The following IFI16 variants were observed in gnomAD, a reference collection of about 807,000 sequenced individuals.
IFI16 encodes interferon gamma inducible protein 16.
A neutral mutation model predicts 68.4 loss-of-function variants in IFI16; 49 were observed. The observed-to-expected ratio is 0.72, with a 90% CI of 0.57 to 0.91. The LOEUF is 0.91. IFI16 is among the 40% of genes least tolerant of loss of function. IFI16 has a pLI of 0.00. For synonymous variants in IFI16, 307 were observed against 315.0 expected (o/e 0.97, Z 0.27); for missense variants, 878 against 942.9 (o/e 0.93, Z 0.90).
At chr1:159,012,708 C>T (rs1478458824) in intron 1 of IFI16, among the ~76,000 whole-genome samples, 2 of 152,116 alleles carry the variant, frequency 1.3e-5, no homozygotes, top group East Asian at 3.9e-4. Flanking sequence ...GCTTTAAATT[C>T]TATAGGGGTA....
chr1:159,020,647 A>G, intron 6 of IFI16, 118 bp downstream of exon 6: 1 of 611,854 alleles, frequency 1.6e-6, no homozygotes, highest in Non-Finnish European at 2.8e-6. Flanking sequence ...ATGAGAAAAC[A>G]GATATTCTCC....
chr1:159,029,892 G>A (rs185181663), intron 6 of IFI16, among the ~76,000 whole-genome samples: 143 of 152,140 alleles, frequency 9.4e-4, no homozygotes, highest in Non-Finnish European at 1.7e-3. Flanking sequence ...ATGTTGGCCA[G>A]GCTGGTCTCA....
At chr1:159,000,827 C>G (rs1284376898) in intron 1 of IFI16, among the ~76,000 whole-genome samples, 1 of 152,114 alleles carries the variant, frequency 6.6e-6, no homozygotes, top group Non-Finnish European at 1.5e-5. Flanking sequence ...GTGGATCCCT[C>G]ATGAATGGCT....
At chr1:159,053,785 G>A in intron 11 of IFI16, 61 bp downstream of exon 11, 1 of 1,310,496 alleles carries the variant, frequency 7.6e-7, no homozygotes. Flanking sequence ...TATACTTTAA[G>A]AAGACTAGAC....
intron 7 of IFI16, among the ~76,000 whole-genome samples, chr1:159,042,322 C>T (rs1654700455): frequency 8.8e-4 from 2 of 2,272 alleles, no homozygotes; most frequent in South Asian, 0.12. Flanking sequence ...TTAAAATAAA[C>T]AACAAAATGA....
chr1:159,046,984 C>A (rs964186855), intron 8 of IFI16, among the ~76,000 whole-genome samples: 1 of 139,464 alleles, frequency 7.2e-6, no homozygotes, highest in African/African-American at 2.8e-5. Context: ...CAACCCTTAT[C>A]CCAGCTTGCC....
intron 1 of IFI16, among the ~76,000 whole-genome samples, chr1:159,014,268 C>G (rs1302291773): frequency 6.6e-6 from 1 of 152,156 alleles, no homozygotes; most frequent in Non-Finnish European, 1.5e-5. Context: ...CTAGGCCGCT[C>G]CAGTCATACT....
intron 5 of IFI16, 24 bp from the exon 6 acceptor site, chr1:159,020,317 C>T (rs1653227210): frequency 6.5e-7 from 1 of 1,545,304 alleles, no homozygotes. Context: ...TTCTCAGGAA[C>T]AGAATATTAA....
At chr1:159,033,081 A>G (rs1654108710) in intron 7 of IFI16, among the ~76,000 whole-genome samples, 1 of 152,018 alleles carries the variant, frequency 6.6e-6, no homozygotes, top group Admixed American at 6.6e-5. Flanking sequence ...TCATAGTTCC[A>G]AGTTCCTACC....
upstream of IFI16, among the ~76,000 whole-genome samples, chr1:159,001,587 CT>C (rs1393345304): frequency 2.0e-5 from 3 of 152,266 alleles, no homozygotes; most frequent in Non-Finnish European, 4.4e-5. Context: ...ATGAACGCCC[CT>C]GTCTTACCAG....
intron 5 of IFI16, among the ~76,000 whole-genome samples, chr1:159,019,025 T>C (rs1291600258): frequency 6.6e-6 from 1 of 152,200 alleles, no homozygotes; most frequent in Non-Finnish European, 1.5e-5. Context: ...AAAAATCACA[T>C]TATTTTTATT....
Position 159,015,626 on chromosome 1 carries a change from C to T in IFI16, c.266-246C>T. 8.4e-6 allele frequency: 3 copies of T among 356,772 alleles called. No individual in the cohort carries two copies. In the East Asian group the frequency reaches 1.5e-4, roughly 18 times the overall value. 22.1% of individuals were successfully genotyped at this position (356,772 alleles called of 1,614,324 possible). A position where few individuals can be genotyped will look rare whatever the true frequency, so the allele number is the denominator to read the frequency against. On this transcript the variant is annotated intron_variant, in intron 2 of 11. Transcript: ENST00000295809. ...GAGTTCAGAGAACAGGAAGCATGTG[C>T]TCAGTGCACAGGGGAGGAGTGAGGA...
At chr1:159,050,781 T>A (rs1441823018) in intron 9 of IFI16, among the ~76,000 whole-genome samples, 4 of 152,006 alleles carry the variant, frequency 2.6e-5, no homozygotes, top group Non-Finnish European at 5.9e-5. Context: ...ATTTTTCACG[T>A]CCATGACTCT....
At chr1:159,010,795 T>C (rs1465119758) in intron 1 of IFI16, among the ~76,000 whole-genome samples, 3 of 152,164 alleles carry the variant, frequency 2.0e-5, no homozygotes, top group African/African-American at 7.2e-5. Flanking sequence ...TCTGCCCTCC[T>C]GAAAGTTAAT....
chr1:159,051,089 G>A (rs754144185), intron 9 of IFI16, among the ~76,000 whole-genome samples: 1 of 152,030 alleles, frequency 6.6e-6, no homozygotes, highest in African/African-American at 2.4e-5. Context: ...TATTAGGCAG[G>A]AGGGAACTTT....
chr1:159,050,045 C>G (rs1655248354), intron 9 of IFI16, among the ~76,000 whole-genome samples: 1 of 152,138 alleles, frequency 6.6e-6, no homozygotes, highest in Admixed American at 6.5e-5. Context: ...TATCTAATGC[C>G]ACATTTCAGT....
upstream of IFI16, among the ~76,000 whole-genome samples, chr1:159,004,906 C>G (rs772602668): frequency 1.3e-5 from 2 of 152,082 alleles, no homozygotes; most frequent in South Asian, 4.2e-4. Flanking sequence ...ATAAAATAAG[C>G]AAATAAAGAA....
At chr1:159,011,990 TTG>T (rs1652592793) in intron 1 of IFI16, among the ~76,000 whole-genome samples, 1 of 152,194 alleles carries the variant, frequency 6.6e-6, no homozygotes, top group Non-Finnish European at 1.5e-5. Context: ...TACCATGCTG[TTG>T]TAATTTCTGT....
intron 8 of IFI16, among the ~76,000 whole-genome samples, chr1:159,045,995 G>A (rs1050730634): frequency 6.6e-6 from 1 of 151,130 alleles, no homozygotes; most frequent in Non-Finnish European, 1.5e-5. Context: ...TTCTCTCAGA[G>A]TAAATCACAT....
Sources: allele counts gnomAD v4.1 joint callset (sites outside exome capture counted in the v4.1 genomes callset), GRCh38; gene constraint gnomAD v4.1.1; transcripts MANE v1.5; gene names NCBI Gene and HGNC (gene_info 2026-07-23, HGNC 2026-07-21).